FAT2: variants seen among roughly 807,000 people sequenced by gnomAD.
FAT2 encodes the protein FAT atypical cadherin 2, also known as protocadherin Fat 2.
A neutral mutation model predicts 295.3 loss-of-function variants in FAT2; 150 were observed. The observed-to-expected ratio is 0.51, with a 90% CI of 0.44 to 0.58. The LOEUF is 0.58. Ranked by LOEUF, FAT2 falls within the 20% of genes least tolerant of loss-of-function variation. The pLI, the probability that FAT2 is intolerant of heterozygous loss-of-function variation, is 0.00. For synonymous variants in FAT2, 2,026 were observed against 2,150.3 expected (o/e 0.94, Z 1.60); for missense variants, 4,868 against 5,442.7 (o/e 0.89, Z 3.32).
chr5:151,549,359 C>T lies in FAT2; in HGVS notation c.4725G>A (p.Leu1575=), dbSNP rs2127619110. The T allele has an allele frequency of 6.2e-7, 1 of 1,614,026 alleles. No individual in the cohort carries two copies. The highest frequency in any genetic ancestry group is 8.5e-7 in the Non-Finnish European group (1 of 1,180,028). ...GGTCAGCATCCATGGCTCGGACCTG[C>T]AGCAGCTCTGTGCCGGGGGCTATGG... The part of the protein sequence containing the change: ...PDTIAPGTEL[L]QVRAMDADRG... The change falls in exon 9 of 24, where the codon CTG becomes CTA. Residue 1575 remains leucine (L), a synonymous_variant. Transcript: ENST00000261800.
intron 1 of FAT2, among the ~76,000 whole-genome samples, chr5:151,590,854 A>G (rs545528039): frequency 2.0e-5 from 3 of 152,356 alleles, no homozygotes; most frequent in South Asian, 4.1e-4. Context: ...TTCTTGCAGG[A>G]CAAGAATCCA....
chr5:151,557,744 C>A (rs1757825285), intron 3 of FAT2, among the ~76,000 whole-genome samples: 1 of 152,202 alleles, frequency 6.6e-6, no homozygotes, highest in Admixed American at 6.5e-5. Context: ...ATCTTTACAT[C>A]TGAAAAAGTC....
chr5:151,521,983 A>G lies in FAT2; in HGVS notation c.10610T>C (p.Phe3537Ser). 1 of 1,614,186 alleles carries G rather than the reference A, an allele frequency of 6.2e-7. No individual in the cohort carries two copies. The highest frequency in any genetic ancestry group is 1.1e-5 in the South Asian group (1 of 91,084). ...GAACTCATCCTCTCCAACAGTGATG[A>G]AGATCTCCAGTGGGAGAGCAGAAGG... ...YAPSALPLEI[F>S]ITVGEDEFQG... is the part of the protein sequence containing the mutation. Residue 3537 changes from phenylalanine to serine, a missense_variant, in exon 19 of 24, where the codon TTC (phenylalanine) becomes TCC (serine). Around this residue, in one of 5 missense-constraint regions of FAT2, gnomAD observed 1,046 missense variants for 1,210.1 expected, o/e 0.86. Transcript: ENST00000261800.
At chr5:151,577,784 G>T (rs1487088655) in intron 1 of FAT2, among the ~76,000 whole-genome samples, 1 of 152,190 alleles carries the variant, frequency 6.6e-6, no homozygotes, top group Non-Finnish European at 1.5e-5. Context: ...AAGAGAGGAA[G>T]AGGCGTGTCT....
chr5:151,542,592 A>G lies in FAT2; in HGVS notation c.8535T>C (p.His2845=), dbSNP rs1756257956. 2 of 1,611,992 alleles carry G rather than the reference A, an allele frequency of 1.2e-6. No homozygotes were observed. Among genetic ancestry groups the G allele is most frequent in the Non-Finnish European group, 1.7e-6 (2 of 1,178,058 alleles). The change falls in exon 10 of 24, where the codon CAT becomes CAC. Residue 2845 remains histidine, a synonymous_variant. Transcript: ENST00000261800. ...TCTCACTGTCAATGGCAAAGAGCTC[A>G]TGGACATTGCTACCAGGGTCTGCAG... ...RLSADPGSNV[H]ELFAIDSESG... is the part of the protein sequence containing the mutation.
In FAT2 at chr5:151,565,563, TTTCAGCCTGCAGGCTGACTCCTTTTTCC is replaced by T. The variant is rs553309902; in HGVS notation, c.3259+82_3259+109del. The T allele has an allele frequency of 1.1e-3, 1,280 of 1,117,048 alleles. 9 individuals are homozygous for T. The African/African-American group carries it at 0.019, about 16-fold the overall frequency. The allele number at this position is 1,117,048 out of a possible 1,614,324, so 69.2% of individuals were successfully genotyped here. A position where few individuals can be genotyped will look rare whatever the true frequency, so the allele number is the denominator to read the frequency against. On this transcript the variant is annotated intron_variant, in intron 2 of 23. Coordinates refer to ENST00000261800, the MANE Select transcript of FAT2 (RefSeq NM_001447.3). The stretch of plus-strand genomic sequence containing the variant: ...AAGAATCCCTATTTATTGCCTTTCA[TTTCAGCCTGCAGGCTGACTCCTTTTTCC>T]TTCAGCCCGCAGGCTGACTTCTTTT...
chr5:151,550,178 T>C (rs978986225), intron 8 of FAT2, among the ~76,000 whole-genome samples: 5 of 152,158 alleles, frequency 3.3e-5, no homozygotes, highest in Admixed American at 3.3e-4. Flanking sequence ...TGCAGGCACA[T>C]GGCCCAGAGA....
At chr5:151,551,325 G>A in intron 7 of FAT2, 142 bp downstream of exon 7, 1 of 829,122 alleles carries the variant, frequency 1.2e-6, no homozygotes, top group Non-Finnish European at 1.9e-6. Context: ...GAAGTAGAGA[G>A]TGTATTAGAC....
rs748350495 is a variant in FAT2 at position 151,521,460 on chromosome 5, C to G, written c.11133G>C (p.Glu3711Asp). The change falls in exon 19 of 24, where the codon GAG becomes GAC. Residue 3711 changes from glutamate (E) to aspartate (D), a missense_variant. Glu to Asp is a conservative substitution (Grantham distance 45, BLOSUM62 2). Around this residue, in one of 5 missense-constraint regions of FAT2, gnomAD observed 1,046 missense variants for 1,210.1 expected, o/e 0.86. Coordinates refer to ENST00000261800, the MANE Select transcript of FAT2 (RefSeq NM_001447.3). ...ACCGCATCTGAACCCCCACTGAATG[C>G]TCCATCTCCTTGGCTGAGTGAGTGA... ...SIITHSAKEM[E>D]HSVGVQMRSA... 1 of 1,614,130 alleles carries G rather than the reference C, an allele frequency of 6.2e-7. No individual in the cohort carries two copies. Among genetic ancestry groups the G allele is most frequent in the African/African-American group, 1.3e-5 (1 of 74,950 alleles).
intron 3 of FAT2, among the ~76,000 whole-genome samples, 164 bp downstream of exon 3, chr5:151,563,161 A>G (rs964219139): frequency 3.9e-5 from 6 of 152,232 alleles, no homozygotes; most frequent in African/African-American, 1.2e-4. Context: ...GAAAACACGG[A>G]TTGCTGGGCC....
At position 151,528,075 on chromosome 5, in the gene FAT2, C is replaced by T. The variant is rs2127587367; in HGVS notation, c.10085G>A (p.Gly3362Glu). 6.2e-7 allele frequency: 1 copy of T among 1,614,216 alleles called. No homozygotes were observed. ...GGTGAAGTGCCCAAGCTGGTTCCCT[C>T]CTATGAGGCTATAGGTAATGTCACT... ...LNSDITYSLI[G>E]GNQLGHFTIH... Residue 3362 changes from glycine (G) to glutamate (E), a missense_variant, in exon 16 of 24, where the codon GGA becomes GAA. Gly to Glu is a moderately conservative substitution (Grantham distance 98, BLOSUM62 -2). Coordinates refer to ENST00000261800, the MANE Select transcript of FAT2 (RefSeq NM_001447.3).
At position 151,558,922 on chromosome 5, in the gene FAT2, C is replaced by T. The variant is rs115951590; in HGVS notation, c.3575-2520G>A. On this transcript the variant is annotated intron_variant, in intron 3 of 23. Transcript: ENST00000261800. ...CATCCAAAGCCATGGCCTAAGAGGC[C>T]GTGGCTGGTGTGGACGGTCTCTTGT... 7.6e-3 allele frequency among the ~76,000 whole-genome samples: 1,162 copies of T among 152,298 alleles called. 11 individuals are homozygous for T. The highest frequency in any genetic ancestry group is 0.026 in the African/African-American group (1,083 of 41,566).
At chr5:151,589,776 C>T (rs979928368) in intron 1 of FAT2, among the ~76,000 whole-genome samples, 2 of 152,112 alleles carry the variant, frequency 1.3e-5, no homozygotes, top group Non-Finnish European at 2.9e-5. Context: ...TGGTGTTTGT[C>T]TGTGGTCCTA....
chr5:151,522,242 A>C, intron 18 of FAT2, 156 bp from the exon 19 acceptor site: 4 of 578,540 alleles, frequency 6.9e-6, no homozygotes, highest in Admixed American at 3.1e-5. Flanking sequence ...AAAAAACCTA[A>C]CTCCAAAAGC....
chr5:151,525,501 C>T (rs1753889475), intron 18 of FAT2, among the ~76,000 whole-genome samples: 1 of 152,134 alleles, frequency 6.6e-6, no homozygotes, highest in Non-Finnish European at 1.5e-5. Flanking sequence ...TGAAGCAACC[C>T]ACCTTTGCCA....
Position 151,567,026 on chromosome 5 carries a change from A to T in FAT2, c.1906T>A (p.Tyr636Asn). 1 of 1,614,074 alleles carries T rather than the reference A, an allele frequency of 6.2e-7. No homozygotes were observed. Among genetic ancestry groups the T allele is most frequent in the Non-Finnish European group, 8.5e-7 (1 of 1,179,966 alleles). ...INLTAGQPTS[Y>N]SLKITASDGK... ...TCTGAGGCTGTAATCTTCAGGGAAT[A>T]ACTGGTGGGTTGACCAGCAGTAAGA... is the stretch of plus-strand genomic sequence containing the variant. The change falls in exon 2 of 24, where the codon TAT (tyrosine) becomes AAT (asparagine). Residue 636 changes from tyrosine to asparagine, a missense_variant. By Grantham distance (143) the Tyr-to-Asn change is moderately radical. This residue lies in a region of FAT2 where 3,297 missense variants were observed against 3,669.4 expected (regional missense o/e 0.90). Coordinates refer to ENST00000261800, the MANE Select transcript of FAT2 (RefSeq NM_001447.3).
chr5:151,522,155 G>T, intron 18 of FAT2, 69 bp from the exon 19 acceptor site: 1 of 1,287,394 alleles, frequency 7.8e-7, no homozygotes, highest in Non-Finnish European at 1.1e-6. Flanking sequence ...CTGAGGCTGG[G>T]CCTCCTTGTG....
chr5:151,568,848 G>A lies in FAT2; in HGVS notation c.84C>T (p.Ser28=). The part of the protein sequence containing the change: ...CEKPLEGILS[S]SAWHFTHSHY... The stretch of plus-strand genomic sequence containing the variant: ...GGGAGTGTGTGAAGTGCCAAGCAGA[G>A]GAGGAGAGAATCCCTTCTAGAGGCT... The change falls in exon 2 of 24, where the codon TCC becomes TCT. Residue 28 remains serine, a synonymous_variant. Transcript: ENST00000261800. The A allele has an allele frequency of 6.2e-7, 1 of 1,614,058 alleles. No homozygotes were observed. The highest frequency in any genetic ancestry group is 8.5e-7 in the Non-Finnish European group (1 of 1,179,990).
chr5:151,590,181 C>T (rs1209067935), intron 1 of FAT2, among the ~76,000 whole-genome samples: 3 of 152,220 alleles, frequency 2.0e-5, no homozygotes, highest in Non-Finnish European at 4.4e-5. Flanking sequence ...AAGGCATGTT[C>T]ACCTGTCCAG....
Sources: allele counts gnomAD v4.1 joint callset (sites outside exome capture counted in the v4.1 genomes callset), GRCh38; gene constraint gnomAD v4.1.1; regional missense constraint gnomAD v4.1.1; transcripts MANE v1.5; gene names NCBI Gene and HGNC (gene_info 2026-07-23, HGNC 2026-07-21).